PAWR: variants seen among roughly 807,000 people sequenced by gnomAD.
PAWR encodes the protein PRKC apoptosis WT1 regulator protein.
PAWR carries 23 observed loss-of-function variants against 32.0 expected under a neutral mutation model. That is an observed-to-expected ratio of 0.72 (90% confidence interval 0.52 to 1.02). The LOEUF (loss-of-function observed/expected upper bound fraction) is 1.02, where lower values mean the gene tolerates loss of function less well. Among genes scored for constraint, PAWR ranks in the 50% least tolerant of loss-of-function variants. The probability of loss-of-function intolerance (pLI) is 0.00; values close to 1 mark genes in which losing one functional copy is unlikely to be tolerated. For missense variants in PAWR, 457 were observed against 437.7 expected, an observed-to-expected ratio of 1.04 and a Z score of -0.39; for synonymous variants, 226 against 187.1, an observed-to-expected ratio of 1.21 and a Z score of -1.70.
chr12:79,627,397 A>G (rs1284110584), intron 2 of PAWR, among the ~76,000 whole-genome samples: 1 of 152,130 alleles, frequency 6.6e-6, no homozygotes, highest in African/African-American at 2.4e-5. Context: ...TCTTTTGAGA[A>G]GTGTCTGTTC....
At chr12:79,675,338 C>T (rs993412993) in intron 2 of PAWR, among the ~76,000 whole-genome samples, 4 of 152,232 alleles carry the variant, frequency 2.6e-5, no homozygotes, top group African/African-American at 9.6e-5. Flanking sequence ...AGGATCACGC[C>T]ACTGCACCCC....
intron 4 of PAWR, chr12:79,604,717 T>C (rs1267015084): frequency 7.8e-7 from 1 of 1,285,752 alleles, no homozygotes; most frequent in Non-Finnish European, 1.0e-6. Flanking sequence ...GGTTTATCTC[T>C]CTTCCTTTAA....
At position 79,689,713 on chromosome 12, in the gene PAWR, C is replaced by T. The variant is rs368901434; in HGVS notation, c.516+16G>A. On this transcript the variant is annotated intron_variant, in intron 2 of 6. Coordinates refer to ENST00000328827, the MANE Select transcript of PAWR (RefSeq NM_002583.4). ...CCGCCCCGGCCCGGTCCGGCTGCGGCCCCCGCCCGGCTCACCTCTGCGGCA... is the reference window on the plus strand; with the variant it reads ...CCGCCCCGGCCCGGTCCGGCTGCGGTCCCCGCCCGGCTCACCTCTGCGGCA... 1.8e-4 allele frequency: 272 copies of T among 1,537,160 alleles called. No homozygotes were observed. In the African/African-American group the frequency reaches 3.7e-3, roughly 21 times the overall value.
chr12:79,685,039 C>G (rs762696794), intron 2 of PAWR, among the ~76,000 whole-genome samples: 12 of 152,218 alleles, frequency 7.9e-5, no homozygotes, highest in Non-Finnish European at 1.5e-4. Context: ...GTGCTTAGAA[C>G]AGTGCCTGGC....
At chr12:79,653,494 T>C (rs1338852970) in intron 2 of PAWR, among the ~76,000 whole-genome samples, 1 of 152,104 alleles carries the variant, frequency 6.6e-6, no homozygotes, top group Admixed American at 6.5e-5. Context: ...GTTTGTTTGT[T>C]TTGAGGCAGA....
At chr12:79,597,595 T>C (rs1389256221) in intron 4 of PAWR, among the ~76,000 whole-genome samples, 1 of 152,232 alleles carries the variant, frequency 6.6e-6, no homozygotes, top group Non-Finnish European at 1.5e-5. Flanking sequence ...ACTATAAGTA[T>C]GCATACAGGC....
intron 2 of PAWR, among the ~76,000 whole-genome samples, chr12:79,665,854 G>A (rs750907505): frequency 2.9e-4 from 44 of 152,206 alleles, no homozygotes; most frequent in African/African-American, 8.9e-4. Flanking sequence ...TCAATATCCC[G>A]TAACAGAGCC....
At chr12:79,663,287 T>C (rs1250920704) in intron 2 of PAWR, among the ~76,000 whole-genome samples, 2 of 152,194 alleles carry the variant, frequency 1.3e-5, no homozygotes, top group Admixed American at 6.5e-5. Context: ...TGGTTTTAAG[T>C]GTTGATGCAC....
intron 2 of PAWR, among the ~76,000 whole-genome samples, chr12:79,649,683 T>C (rs775842342): frequency 6.6e-6 from 1 of 151,996 alleles, no homozygotes; most frequent in African/African-American, 2.4e-5. Context: ...CCCAACTGCT[T>C]GGGAGGCTGA....
At position 79,601,021 on chromosome 12, in the gene PAWR, C is replaced by T. The variant is rs189548614; in HGVS notation, c.684-4363G>A. 2.5e-3 allele frequency among the ~76,000 whole-genome samples: 385 copies of T among 152,074 alleles called. 9 individuals carry two copies. The highest frequency in any genetic ancestry group is 0.024 in the Admixed American group (363 of 15,268). On this transcript the variant is annotated intron_variant, in intron 4 of 6. Coordinates refer to ENST00000328827, the MANE Select transcript of PAWR (RefSeq NM_002583.4). The stretch of plus-strand genomic sequence containing the variant: ...TGTCTTGGATTGACAACAAACAGTT[C>T]AAGGACTACACTTTGGGTATCACTA...
At chr12:79,639,400 T>C (rs1317010086) in intron 2 of PAWR, among the ~76,000 whole-genome samples, 1 of 152,194 alleles carries the variant, frequency 6.6e-6, no homozygotes, top group Non-Finnish European at 1.5e-5. Flanking sequence ...TTTTACTTAA[T>C]GTATAAATTA....
intron 2 of PAWR, among the ~76,000 whole-genome samples, chr12:79,640,912 T>G (rs1219056346): frequency 6.6e-6 from 1 of 152,184 alleles, no homozygotes; most frequent in African/African-American, 2.4e-5. Context: ...GTGAGTTATG[T>G]GTCTGTGTAT....
In PAWR at chr12:79,586,692, T is replaced by A. The variant is rs1046428582; in HGVS notation, c.*5915A>T. ...ATTCAATCTATCTTTAACCGGCTCA[T>A]ACTGTTTTCATGTTGTTCAACTATT... On this transcript the variant is annotated 3_prime_UTR_variant, in exon 7 of 7. Transcript: ENST00000328827. The A allele has an allele frequency of 1.3e-5, 2 of 152,232 alleles. No homozygotes were observed. The highest frequency in any genetic ancestry group is 2.9e-5 in the Non-Finnish European group (2 of 68,020). 9.4% of individuals were successfully genotyped at this position (152,232 alleles called of 1,614,324 possible).
chr12:79,678,224 T>C (rs1878266151), intron 2 of PAWR, among the ~76,000 whole-genome samples: 1 of 152,240 alleles, frequency 6.6e-6, no homozygotes, highest in South Asian at 2.1e-4. Context: ...CAAAACTGTT[T>C]TCTTTCCAAA....
At chr12:79,653,941 T>C (rs886317915) in intron 2 of PAWR, among the ~76,000 whole-genome samples, 7 of 152,252 alleles carry the variant, frequency 4.6e-5, no homozygotes, top group African/African-American at 1.7e-4. Context: ...AACTGATTTA[T>C]AGCATCCTTA....
rs200677061 is a variant in PAWR at position 79,639,833 on chromosome 12, C to CATTCCTATTCCT, written c.517-18638_517-18627dup. Reference sequence around the variant, plus strand: ...TCCATTCCTTTTCCTTTTCCTTTTCCATTCCTATTCCTATTCCTATTCCTA... The same window carrying CATTCCTATTCCT: ...TCCATTCCTTTTCCTTTTCCTTTTCCATTCCTATTCCTATTCCTATTCCTATTCCTATTCCTA... On this transcript the variant is annotated intron_variant, in intron 2 of 6. Coordinates refer to ENST00000328827, the MANE Select transcript of PAWR (RefSeq NM_002583.4). Among the ~76,000 whole-genome samples, 5 of 127,594 alleles carry CATTCCTATTCCT rather than the reference C, an allele frequency of 3.9e-5. No individual in the cohort carries two copies. The East Asian group carries it at 6.6e-4, about 17-fold the overall frequency. The allele number at this position is 127,594 out of a possible 152,430, so 83.7% of individuals were successfully genotyped here.
chr12:79,684,369 G>C (rs1317972524), intron 2 of PAWR, among the ~76,000 whole-genome samples: 1 of 152,170 alleles, frequency 6.6e-6, no homozygotes, highest in African/African-American at 2.4e-5. Flanking sequence ...CAAGCACTTT[G>C]GGAGGCTGAG....
intron 2 of PAWR, among the ~76,000 whole-genome samples, chr12:79,641,764 G>A (rs1211980632): frequency 1.4e-5 from 2 of 140,478 alleles, no homozygotes; most frequent in African/African-American, 2.7e-5. Context: ...GGAGAATCAC[G>A]TGGACCAGGG....
chr12:79,680,162 C>T (rs1293222165), intron 2 of PAWR, among the ~76,000 whole-genome samples: 2 of 152,298 alleles, frequency 1.3e-5, no homozygotes, highest in South Asian at 2.1e-4. Context: ...GAGAATAACA[C>T]TAATTTTGTG....
Sources: gnomAD v4.1 joint callset for allele counts (sites outside exome capture counted in the v4.1 genomes callset) on GRCh38, gnomAD v4.1.1 for gene constraint, MANE v1.5 for transcripts, NCBI Gene and HGNC (gene_info 2026-07-23, HGNC 2026-07-21) for gene names.